Variants in CSMD1 observed in about 807,000 individuals in gnomAD.
CSMD1 encodes CUB and sushi domain-containing protein 1.
CSMD1 carries 213 observed loss-of-function variants against 417.5 expected under a neutral mutation model. The ratio of observed to expected loss-of-function variants is 0.51; its 90% CI spans 0.46 to 0.57. The LOEUF (loss-of-function observed/expected upper bound fraction) is 0.57, where lower values mean the gene tolerates loss of function less well. Among genes scored for constraint, CSMD1 ranks in the 20% least tolerant of loss-of-function variants. The probability of loss-of-function intolerance (pLI) is 0.00; values close to 1 mark genes in which losing one functional copy is unlikely to be tolerated. For missense variants in CSMD1, 6,923 were observed against 4,529.7 expected (o/e 1.53, Z -15.17); for synonymous variants, 2,862 against 1,736.8 (o/e 1.65, Z -16.11).
intron 5 of CSMD1, among the ~76,000 whole-genome samples, chr8:3,981,289 G>C (rs755609127): frequency 2.0e-5 from 3 of 152,070 alleles, no homozygotes. Context: ...TGGGAGCTAA[G>C]CTATGAGGAC....
intron 3 of CSMD1, among the ~76,000 whole-genome samples, chr8:4,198,563 C>A (rs983792866): frequency 6.6e-6 from 1 of 152,172 alleles, no homozygotes; most frequent in East Asian, 1.9e-4. Context: ...CTTTCAGGAA[C>A]GTGCACAAGG....
At chr8:3,385,954 C>T (rs536204193) in intron 18 of CSMD1, among the ~76,000 whole-genome samples, 5 of 152,044 alleles carry the variant, frequency 3.3e-5, no homozygotes, top group East Asian at 3.9e-4. Flanking sequence ...CTGTGATTGT[C>T]GTGAAATAGA....
intron 4 of CSMD1, among the ~76,000 whole-genome samples, chr8:4,022,976 C>T (rs1052266844): frequency 6.6e-6 from 1 of 152,172 alleles, no homozygotes; most frequent in Non-Finnish European, 1.5e-5. Flanking sequence ...AAATAAATAG[C>T]AGTATGGCAA....
chr8:3,974,146 C>G (rs1039007197), intron 5 of CSMD1, among the ~76,000 whole-genome samples: 2 of 151,906 alleles, frequency 1.3e-5, no homozygotes, highest in African/African-American at 4.8e-5. Flanking sequence ...GTGTGTGTGT[C>G]TACATGTACA....
intron 2 of CSMD1, among the ~76,000 whole-genome samples, chr8:4,609,488 G>A (rs1056815282): frequency 6.6e-6 from 1 of 152,194 alleles, no homozygotes; most frequent in African/African-American, 2.4e-5. Flanking sequence ...ATTAATATAT[G>A]AATTCAATAA....
intron 3 of CSMD1, among the ~76,000 whole-genome samples, chr8:4,269,362 G>A (rs1303973641): frequency 6.6e-6 from 1 of 152,094 alleles, no homozygotes; most frequent in Non-Finnish European, 1.5e-5. Context: ...CACTGTGCCT[G>A]GCTCCATTTT....
chr8:3,937,145 A>G (rs1266613365), intron 5 of CSMD1, among the ~76,000 whole-genome samples: 4 of 152,184 alleles, frequency 2.6e-5, no homozygotes, highest in East Asian at 3.8e-4. Context: ...ATGAGCAAAG[A>G]AAGTGGTTTC....
At chr8:4,861,008 T>G (rs930372797) in intron 1 of CSMD1, among the ~76,000 whole-genome samples, 1 of 152,156 alleles carries the variant, frequency 6.6e-6, no homozygotes, top group African/African-American at 2.4e-5. Context: ...ACTATTGTAA[T>G]ACATATTCTA....
At chr8:4,308,253 T>C (rs1327098866) in intron 3 of CSMD1, among the ~76,000 whole-genome samples, 5 of 149,870 alleles carry the variant, frequency 3.3e-5, no homozygotes, top group Non-Finnish European at 6.0e-5. Context: ...GTTTTTTTTA[T>C]GTGTGTGTGT....
intron 3 of CSMD1, among the ~76,000 whole-genome samples, chr8:4,209,642 T>G (rs1800189557): frequency 6.6e-6 from 1 of 152,072 alleles, no homozygotes; most frequent in Non-Finnish European, 1.5e-5. Flanking sequence ...GGGCTTAGCC[T>G]GGGAGGGTTG....
chr8:4,383,842 A>C (rs997906773), intron 3 of CSMD1, among the ~76,000 whole-genome samples: 9 of 152,230 alleles, frequency 5.9e-5, no homozygotes, highest in Non-Finnish European at 1.0e-4. Context: ...TGAAAATAAT[A>C]ACATGGAAAT....
chr8:4,200,869 GATAATA>G (rs199653171), intron 3 of CSMD1, among the ~76,000 whole-genome samples: 1 of 152,058 alleles, frequency 6.6e-6, no homozygotes, highest in Non-Finnish European at 1.5e-5. Flanking sequence ...AAATAATGAT[GATAATA>G]ATAATAACAC....
At chr8:4,061,020 C>T (rs1798943731) in intron 3 of CSMD1, among the ~76,000 whole-genome samples, 1 of 151,988 alleles carries the variant, frequency 6.6e-6, no homozygotes, top group Non-Finnish European at 1.5e-5. Context: ...ATTAATTTCA[C>T]AATACCCATT....
At chr8:4,940,834 T>A (rs1432354108) in intron 1 of CSMD1, among the ~76,000 whole-genome samples, 1 of 152,196 alleles carries the variant, frequency 6.6e-6, no homozygotes, top group African/African-American at 2.4e-5. Flanking sequence ...GTACCATGTG[T>A]CAGGTAAGGC....
intron 5 of CSMD1, among the ~76,000 whole-genome samples, chr8:3,955,046 A>G (rs1811847698): frequency 6.6e-6 from 1 of 152,188 alleles, no homozygotes; most frequent in African/African-American, 2.4e-5. Context: ...ATCATTTTCA[A>G]AGAGGCAATG....
chr8:4,521,441 C>A (rs938965428), intron 2 of CSMD1, among the ~76,000 whole-genome samples: 4 of 152,094 alleles, frequency 2.6e-5, no homozygotes, highest in African/African-American at 9.7e-5. Context: ...GAATCATATA[C>A]CTGCTGCATT....
intron 12 of CSMD1, among the ~76,000 whole-genome samples, chr8:3,432,055 A>G (rs1350026432): frequency 6.6e-6 from 1 of 152,172 alleles, no homozygotes; most frequent in Non-Finnish European, 1.5e-5. Flanking sequence ...TACTCTGAAA[A>G]TTATAACATA....
chr8:3,897,484 A>C (rs1453125495), intron 5 of CSMD1, among the ~76,000 whole-genome samples: 1 of 152,182 alleles, frequency 6.6e-6, no homozygotes, highest in African/African-American at 2.4e-5. Flanking sequence ...ATTTTTATTT[A>C]TGATCTTAAA....
chr8:3,199,751 G>T lies in CSMD1; in HGVS notation c.5157C>A (p.Ser1719Arg). Residue 1719 changes from serine (S) to arginine (R), a missense_variant, in exon 33 of 70, where the codon AGC (serine) becomes AGA (arginine). Transcript: ENST00000635120. ...NQILLRFSAK[S>R]GASARGFHFV... ...AGTGGAAGCCGCGGGCAGAGGCACC[G>T]CTCTTTGCACTGAATCGGAGCAGAA... 3 of 1,588,946 alleles carry T rather than the reference G, an allele frequency of 1.9e-6. No homozygotes were observed. The South Asian group carries it at 3.5e-5, about 18-fold the overall frequency.
Sources: gnomAD v4.1 joint callset for allele counts (sites outside exome capture counted in the v4.1 genomes callset) on GRCh38, gnomAD v4.1.1 for gene constraint, MANE v1.5 for transcripts, NCBI Gene and HGNC (gene_info 2026-07-23, HGNC 2026-07-21) for gene names.